The following RBBP6 variants were observed in gnomAD, a reference collection of about 807,000 sequenced individuals.
RBBP6 encodes E3 ubiquitin-protein ligase RBBP6.
A neutral mutation model predicts 167.7 loss-of-function variants in RBBP6; 25 were observed. The ratio of observed to expected loss-of-function variants is 0.15; its 90% CI spans 0.11 to 0.21. The LOEUF is 0.21. RBBP6 is among the 10% of genes least tolerant of loss of function. The pLI is 1.00. For synonymous variants in RBBP6, 789 were observed against 735.8 expected, an observed-to-expected ratio of 1.07 and a Z score of -1.17; for missense variants, 1,868 against 2,134.2, an observed-to-expected ratio of 0.88 and a Z score of 2.46.
At chr16:24,553,624 C>A in intron 4 of RBBP6, 67 bp downstream of exon 4, 1 of 1,339,550 alleles carries the variant, frequency 7.5e-7, no homozygotes, top group Non-Finnish European at 1.0e-6. Context: ...TTATGTGGAA[C>A]GGTTTTTTAA....
Position 24,548,975 on chromosome 16 carries a change from A to G in RBBP6, c.297A>G (p.Thr99=), listed in dbSNP as rs1452853327. ...ISRTEPAMAT[T]KAIDDSSASI... The stretch of plus-strand genomic sequence containing the variant: ...GAACTGAACCAGCGATGGCAACTAC[A>G]AAAGCAGTATGTAAAAACACAATCT... Residue 99 remains threonine (T), a synonymous_variant, in exon 3 of 18, where the codon ACA becomes ACG. Coordinates refer to ENST00000319715, the MANE Select transcript of RBBP6 (RefSeq NM_006910.5). 1.9e-6 allele frequency: 3 copies of G among 1,611,430 alleles called. No homozygotes were observed. The highest frequency in any genetic ancestry group is 1.3e-5 in the African/African-American group (1 of 75,030).
In RBBP6 at chr16:24,571,827, A is replaced by G. The variant is rs376730107; in HGVS notation, c.4761A>G (p.Leu1587=). Residue 1587 remains leucine, a synonymous_variant, in exon 18 of 18, where the codon CTA becomes CTG. Transcript: ENST00000319715. ...ATAAAGAGTCAAGTGGCAATAAACT[A>G]CTTTATATACTTAACCCACCAGAGA... ...RNNKESSGNK[L]LYILNPPETQ... is the part of the protein sequence containing the mutation. 32 of 1,614,000 alleles carry G rather than the reference A, an allele frequency of 2.0e-5. No individual in the cohort carries two copies. The highest frequency in any genetic ancestry group is 2.7e-5 in the Non-Finnish European group (32 of 1,179,986).
intron 3 of RBBP6, among the ~76,000 whole-genome samples, chr16:24,551,787 G>T (rs1427562582): frequency 6.6e-6 from 1 of 151,576 alleles, no homozygotes; most frequent in African/African-American, 2.4e-5. Flanking sequence ...ATAGTAATGG[G>T]CTATTTTTAA....
intron 1 of RBBP6, among the ~76,000 whole-genome samples, chr16:24,544,860 A>C (rs1898598979): frequency 6.6e-6 from 1 of 152,136 alleles, no homozygotes; most frequent in Non-Finnish European, 1.5e-5. Flanking sequence ...GAACCCAGGG[A>C]TTCCTCTGGC....
At chr16:24,562,372 T>TA (rs1374908666) in intron 10 of RBBP6, among the ~76,000 whole-genome samples, 1 of 152,206 alleles carries the variant, frequency 6.6e-6, no homozygotes. Flanking sequence ...TGAGGTCAAA[T>TA]ACTACACAGG....
rs1252287062 is a variant in RBBP6 at position 24,570,165 on chromosome 16, G to T, written c.3475G>T (p.Asp1159Tyr). 1 of 1,595,946 alleles carries T rather than the reference G, an allele frequency of 6.3e-7. No homozygotes were observed. Among genetic ancestry groups the T allele is most frequent in the Non-Finnish European group, 8.5e-7 (1 of 1,175,908 alleles). ...RKTEEKGVDK[D>Y]FESSSMKISK... ...AACTGAAGAAAAAGGCGTAGATAAAGATTTTGAGTCTTCTTCAATGAAAAT... is the reference window on the plus strand; with the variant it reads ...AACTGAAGAAAAAGGCGTAGATAAATATTTTGAGTCTTCTTCAATGAAAAT... The change falls in exon 17 of 18, where the codon GAT becomes TAT. Residue 1159 changes from aspartate (D) to tyrosine (Y), a missense_variant. By Grantham distance (160) the Asp-to-Tyr change is radical (BLOSUM62 -3). This residue lies in a region of RBBP6 where 673 missense variants were observed against 691.5 expected (regional missense o/e 0.97). Transcript: ENST00000319715.
In RBBP6 at chr16:24,568,854, T is replaced by C; in HGVS notation, c.2164T>C (p.Ser722Pro). ...SRSYSRSFSR[S>P]HSRSYSRSPP... ...CTCTTATTCTCGATCATTCAGCCGC[T>C]CACATTCTCGTTCCTATTCACGGTC... is the stretch of plus-strand genomic sequence containing the variant. Residue 722 changes from serine to proline, a missense_variant, in exon 17 of 18, where the codon TCA (serine) becomes CCA (proline). Ser to Pro is a moderately conservative substitution (Grantham distance 74, BLOSUM62 -1). This residue lies in a region of RBBP6 where 673 missense variants were observed against 691.5 expected (regional missense o/e 0.97). Coordinates refer to ENST00000319715, the MANE Select transcript of RBBP6 (RefSeq NM_006910.5). The C allele has an allele frequency of 6.2e-7, 1 of 1,614,214 alleles. No homozygotes were observed. Among genetic ancestry groups the C allele is most frequent in the Non-Finnish European group, 8.5e-7 (1 of 1,180,024 alleles).
intron 4 of RBBP6, 21 bp downstream of exon 4, chr16:24,553,578 T>C: frequency 6.6e-7 from 1 of 1,524,850 alleles, no homozygotes. Flanking sequence ...ATATATATTC[T>C]TGAAAATATA....
intron 1 of RBBP6, among the ~76,000 whole-genome samples, chr16:24,544,889 T>C (rs1226592074): frequency 6.6e-6 from 1 of 152,168 alleles, no homozygotes; most frequent in Non-Finnish European, 1.5e-5. Flanking sequence ...TCTTTCTTCT[T>C]CATTTCCTTC....
chr16:24,561,245 A>C (rs1250037445), intron 8 of RBBP6, among the ~76,000 whole-genome samples: 1 of 151,584 alleles, frequency 6.6e-6, no homozygotes, highest in Non-Finnish European at 1.5e-5. Context: ...CTCAATTCAG[A>C]CATTTGTTTA....
In RBBP6 at chr16:24,563,232, T is replaced by C; in HGVS notation, c.1323T>C (p.Ala441=). The change falls in exon 11 of 18, where the codon GCT becomes GCC. Residue 441 remains alanine, a synonymous_variant. Coordinates refer to ENST00000319715, the MANE Select transcript of RBBP6 (RefSeq NM_006910.5). ...ATAATAAAATATTGCCAGCTGCAGCTCTTGCATCAGAGCACTCAAAGGGAA... is the reference window on the plus strand; with the variant it reads ...ATAATAAAATATTGCCAGCTGCAGCCCTTGCATCAGAGCACTCAAAGGGAA... The part of the protein sequence containing the change: ...DSDNKILPAA[A]LASEHSKGTS... The C allele has an allele frequency of 6.2e-7, 1 of 1,610,746 alleles. No individual in the cohort carries two copies. Among genetic ancestry groups the C allele is most frequent in the Non-Finnish European group, 8.5e-7 (1 of 1,178,356 alleles).
At chr16:24,549,211 TATG>T in intron 3 of RBBP6, 1 of 1,412,642 alleles carries the variant, frequency 7.1e-7, no homozygotes. Flanking sequence ...TCATATTAAA[TATG>T]ATAGCATTAT....
Position 24,571,158 on chromosome 16 carries a change from G to C in RBBP6, c.4092G>C (p.Glu1364Asp), listed in dbSNP as rs767353753. ...CATCAAATATAGTCAAGTATCCTGA[G>C]AAAGAAAGTGAGCCATCCGAGAAAA... ...TKPSNIVKYP[E>D]KESEPSEKIQ... Residue 1364 changes from glutamate (E) to aspartate (D), a missense_variant, in exon 18 of 18, where the codon GAG (glutamate) becomes GAC (aspartate). By Grantham distance (45) the Glu-to-Asp change is conservative (BLOSUM62 2). Transcript: ENST00000319715. 23 of 1,613,520 alleles carry C rather than the reference G, an allele frequency of 1.4e-5. No homozygotes were observed. The highest frequency in any genetic ancestry group is 1.8e-5 in the Non-Finnish European group (21 of 1,179,632).
At chr16:24,549,441 A>C in intron 3 of RBBP6, 3 of 926,016 alleles carry the variant, frequency 3.2e-6, no homozygotes, top group Non-Finnish European at 3.9e-6. Flanking sequence ...AGTTTTTGTT[A>C]GTTTTTTTTT....
rs1596515466 is a variant in RBBP6 at position 24,570,909 on chromosome 16, A to G, written c.3843A>G (p.Lys1281=). 6 of 1,584,702 alleles carry G rather than the reference A, an allele frequency of 3.8e-6. No individual in the cohort carries two copies. Among genetic ancestry groups the G allele is most frequent in the Non-Finnish European group, 5.2e-6 (6 of 1,159,824 alleles). ...CAACTGGAGGCAGTCCTGTGCGGAA[A>G]TCTGAAGAAAAAACAGATACAAAGC... is the stretch of plus-strand genomic sequence containing the variant. ...TSSTGGSPVR[K]SEEKTDTKRT... The change falls in exon 18 of 18, where the codon AAA becomes AAG. Residue 1281 remains lysine (K), a synonymous_variant. Coordinates refer to ENST00000319715, the MANE Select transcript of RBBP6 (RefSeq NM_006910.5).
At chr16:24,564,715 T>G in intron 13 of RBBP6, 82 bp from the exon 14 acceptor site, 1 of 1,446,574 alleles carries the variant, frequency 6.9e-7, no homozygotes, top group Non-Finnish European at 9.2e-7. Flanking sequence ...TTAAAATTGG[T>G]GTCTTAACAG....
chr16:24,567,265 C>T lies in RBBP6; in HGVS notation c.1712C>T (p.Thr571Ile), dbSNP rs1350498968. 1.2e-6 allele frequency: 2 copies of T among 1,614,074 alleles called. No homozygotes were observed. The highest frequency in any genetic ancestry group is 1.7e-6 in the Non-Finnish European group (2 of 1,180,026). ...PPPLYPPPPHTLPLPPGVPPP... is the reference protein window; with the variant it reads ...PPPLYPPPPHILPLPPGVPPP... Reference sequence around the variant, plus strand: ...CCTTTGTATCCGCCTCCTCCCCATACACTTCCTCTCCCTCCGGGTGTTCCT... The same window carrying T: ...CCTTTGTATCCGCCTCCTCCCCATATACTTCCTCTCCCTCCGGGTGTTCCT... The change falls in exon 15 of 18, where the codon ACA (threonine) becomes ATA (isoleucine). Residue 571 changes from threonine (T) to isoleucine (I), a missense_variant. Coordinates refer to ENST00000319715, the MANE Select transcript of RBBP6 (RefSeq NM_006910.5).
chr16:24,542,719 TCC>T (rs761226914), intron 1 of RBBP6, among the ~76,000 whole-genome samples: 108 of 152,196 alleles, frequency 7.1e-4, no homozygotes, highest in Non-Finnish European at 1.4e-3. Context: ...CACCTGGGTC[TCC>T]CAAAGGGCTG....
At chr16:24,562,980 A>G (rs1428570036) in intron 10 of RBBP6, among the ~76,000 whole-genome samples, 12 of 149,898 alleles carry the variant, frequency 8.0e-5, no homozygotes, top group Non-Finnish European at 1.5e-4. Flanking sequence ...TCATAACTGT[A>G]GTATCTTCTT....
Sources: allele counts gnomAD v4.1 joint callset (sites outside exome capture counted in the v4.1 genomes callset), GRCh38; gene constraint gnomAD v4.1.1; regional missense constraint gnomAD v4.1.1; transcripts MANE v1.5; gene names NCBI Gene and HGNC (gene_info 2026-07-23, HGNC 2026-07-21).